Variants in ASXL2 observed in about 807,000 individuals in gnomAD.
ASXL2 encodes the protein putative Polycomb group protein ASXL2.
A neutral mutation model predicts 122.0 loss-of-function variants in ASXL2; 23 were observed. The ratio of observed to expected loss-of-function variants is 0.19; its 90% CI spans 0.14 to 0.27. The LOEUF (loss-of-function observed/expected upper bound fraction) is 0.27. Among genes scored for constraint, ASXL2 ranks in the 10% least tolerant of loss-of-function variants. ASXL2 has a pLI of 1.00. For missense variants in ASXL2, 1,518 were observed against 1,713.8 expected (o/e 0.89, Z 2.02); for synonymous variants, 650 against 637.0 (o/e 1.02, Z -0.31).
chr2:25,856,310 G>A (rs1321294181), intron 1 of ASXL2, among the ~76,000 whole-genome samples: 2 of 143,442 alleles, frequency 1.4e-5, no homozygotes, highest in Admixed American at 1.4e-4. Flanking sequence ...GCCCACCTCA[G>A]CCTCCCAAAG....
At chr2:25,787,863 G>A (rs2088773823) in intron 5 of ASXL2, among the ~76,000 whole-genome samples, 1 of 152,154 alleles carries the variant, frequency 6.6e-6, no homozygotes, top group Non-Finnish European at 1.5e-5. Context: ...GGGACATGTG[G>A]AAACTAACAA....
intron 11 of ASXL2, among the ~76,000 whole-genome samples, chr2:25,751,928 C>G (rs1276852519): frequency 6.6e-6 from 1 of 152,002 alleles, no homozygotes; most frequent in South Asian, 2.1e-4. Context: ...CACCACTACA[C>G]CCAGCTAATT....
intron 5 of ASXL2, among the ~76,000 whole-genome samples, chr2:25,772,208 T>C (rs979241856): frequency 6.6e-6 from 1 of 152,110 alleles, no homozygotes; most frequent in East Asian, 1.9e-4. Context: ...AGCAAGTAGA[T>C]ATTTATGTTC....
chr2:25,743,981 T>C lies in ASXL2; in HGVS notation c.2356A>G (p.Ser786Gly). Residue 786 changes from serine (S) to glycine (G), a missense_variant, in exon 13 of 13, where the codon AGT becomes GGT. Coordinates refer to ENST00000435504, the MANE Select transcript of ASXL2 (RefSeq NM_018263.6). ...GATGGGACACTTGTGCATGCTCCAC[T>C]GACGGCAGGTGTTGGAGGCACTGGG... The part of the protein sequence containing the change: ...TPPVPPTPAV[S>G]GACTSVPSPA... 6.2e-7 allele frequency: 1 copy of C among 1,614,020 alleles called. No homozygotes were observed. Among genetic ancestry groups the C allele is most frequent in the South Asian group, 1.1e-5 (1 of 91,082 alleles).
At chr2:25,759,763 C>T (rs1224909323) in intron 8 of ASXL2, 118 bp from the exon 9 acceptor site, 17 of 1,034,222 alleles carry the variant, frequency 1.6e-5, no homozygotes, top group African/African-American at 3.2e-5. Context: ...TATCACACTA[C>T]GAAGAAGGTA....
chr2:25,773,157 G>A (rs549333970), intron 5 of ASXL2, among the ~76,000 whole-genome samples: 2 of 151,536 alleles, frequency 1.3e-5, no homozygotes, highest in East Asian at 1.9e-4. Flanking sequence ...GCAGTGAGCC[G>A]AGATCGCACC....
At chr2:25,810,549 T>C (rs2089152848) in intron 3 of ASXL2, 14 of 725,138 alleles carry the variant, frequency 1.9e-5, no homozygotes, top group Non-Finnish European at 3.5e-5. Flanking sequence ...GCCTTTCTCC[T>C]TCAGCTTCTC....
intron 1 of ASXL2, among the ~76,000 whole-genome samples, chr2:25,860,454 G>A (rs774827538): frequency 1.3e-4 from 20 of 151,832 alleles, no homozygotes; most frequent in African/African-American, 4.1e-4. Flanking sequence ...GGTGGCTCAC[G>A]CCTGTAATCC....
At chr2:25,774,794 A>C (rs1390995398) in intron 5 of ASXL2, among the ~76,000 whole-genome samples, 1 of 152,214 alleles carries the variant, frequency 6.6e-6, no homozygotes, top group East Asian at 1.9e-4. Context: ...ATGTTTGTAC[A>C]AAATTTTGAA....
chr2:25,843,541 C>A (rs1390875094), intron 2 of ASXL2, among the ~76,000 whole-genome samples: 1 of 151,730 alleles, frequency 6.6e-6, no homozygotes. Context: ...CTTTTTCATA[C>A]CAATGAAGCA....
chr2:25,773,596 G>A (rs1039153474), intron 5 of ASXL2, among the ~76,000 whole-genome samples: 4 of 150,236 alleles, frequency 2.7e-5, no homozygotes, highest in African/African-American at 9.8e-5. Flanking sequence ...AACCTGGGAG[G>A]CAGAGCTTGC....
In ASXL2 at chr2:25,830,945, G is replaced by A. The variant is rs572675522; in HGVS notation, c.143+4593C>T. ...AAAATTAACAGAATCTCAAGGCATT[G>A]TGAGATAACAACAGAAGATTCAACA... On this transcript the variant is annotated intron_variant, in intron 3 of 12. Coordinates refer to ENST00000435504, the MANE Select transcript of ASXL2 (RefSeq NM_018263.6). The A allele has an allele frequency of 2.6e-5, 4 of 152,290 alleles. No individual in the cohort carries two copies. In the East Asian group the frequency reaches 7.7e-4, roughly 29 times the overall value. 9.4% of individuals were successfully genotyped at this position (152,290 alleles called of 1,614,324 possible).
chr2:25,857,867 CTTTAT>C (rs10634855), intron 1 of ASXL2, among the ~76,000 whole-genome samples: 9 of 151,942 alleles, frequency 5.9e-5, no homozygotes, highest in South Asian at 2.1e-4. Flanking sequence ...TTTTATTTTA[CTTTAT>C]TTTATTTTAT....
chr2:25,798,018 T>G (rs1444159501), intron 5 of ASXL2, among the ~76,000 whole-genome samples: 1 of 152,180 alleles, frequency 6.6e-6, no homozygotes, highest in Non-Finnish European at 1.5e-5. Context: ...ATAAACAAAC[T>G]GTGGCACACC....
intron 3 of ASXL2, among the ~76,000 whole-genome samples, chr2:25,824,792 C>A (rs896354338): frequency 6.6e-6 from 1 of 152,032 alleles, no homozygotes; most frequent in Non-Finnish European, 1.5e-5. Flanking sequence ...GTAACTTTTC[C>A]GGTAACTAAT....
intron 6 of ASXL2, among the ~76,000 whole-genome samples, chr2:25,769,450 C>A (rs1300080164): frequency 6.6e-6 from 1 of 152,092 alleles, no homozygotes. Flanking sequence ...CAATTTACAG[C>A]AAAGCAGTAA....
chr2:25,823,407 C>A (rs565656407), intron 3 of ASXL2, among the ~76,000 whole-genome samples: 1 of 152,274 alleles, frequency 6.6e-6, no homozygotes, highest in Non-Finnish European at 1.5e-5. Context: ...ACCTGCTATT[C>A]CTCTGGTGTT....
chr2:25,858,801 G>C (rs1388560980), intron 1 of ASXL2, among the ~76,000 whole-genome samples: 1 of 151,028 alleles, frequency 6.6e-6, no homozygotes, highest in Non-Finnish European at 1.5e-5. Flanking sequence ...GTGAACGTAA[G>C]TAGAAATCTA....
chr2:25,804,350 A>G (rs1013002187), intron 4 of ASXL2, among the ~76,000 whole-genome samples: 1 of 152,234 alleles, frequency 6.6e-6, no homozygotes, highest in African/African-American at 2.4e-5. Context: ...GAGCAAGCTT[A>G]ATCTCAACCA....
Sources: allele counts gnomAD v4.1 joint callset (sites outside exome capture counted in the v4.1 genomes callset), GRCh38; gene constraint gnomAD v4.1.1; transcripts MANE v1.5; gene names NCBI Gene and HGNC (gene_info 2026-07-23, HGNC 2026-07-21).